The following PPEF2 variants were observed in gnomAD, a reference collection of about 807,000 sequenced individuals.
The protein encoded by PPEF2 is protein phosphatase with EF-hand domain 2.
In PPEF2, 84 loss-of-function variants were observed where a neutral mutation model predicts 84.7. That is an observed-to-expected ratio of 0.99 (90% CI 0.83 to 1.19). The LOEUF (loss-of-function observed/expected upper bound fraction) is 1.19. Among genes scored for constraint, PPEF2 ranks in the 50% most tolerant of loss-of-function variants. The probability of loss-of-function intolerance (pLI) is 0.00; values close to 1 mark genes in which losing one functional copy is unlikely to be tolerated. For missense variants in PPEF2, 924 were observed against 937.5 expected (o/e 0.99, Z 0.19); for synonymous variants, 346 against 345.2 (o/e 1.00, Z -0.03).
intron 13 of PPEF2, among the ~76,000 whole-genome samples, chr4:75,870,878 C>CATTTATTT (rs33975459): frequency 0.032 from 4,764 of 146,606 alleles, 183 homozygotes; most frequent in African/African-American, 0.092. Flanking sequence ...CAAAAGCTAC[C>CATTTATTT]ATTTATTTAT....
chr4:75,874,832 T>G (rs1033746018), intron 11 of PPEF2, among the ~76,000 whole-genome samples: 13 of 152,084 alleles, frequency 8.5e-5, no homozygotes, highest in Non-Finnish European at 7.4e-5. Context: ...TCTTTCTCAC[T>G]ACCCTCCATC....
At chr4:75,881,102 ATT>A (rs33943154) in intron 10 of PPEF2, among the ~76,000 whole-genome samples, 1 of 138,094 alleles carries the variant, frequency 7.2e-6, no homozygotes, top group Non-Finnish European at 1.5e-5. Context: ...ATCCAGCATA[ATT>A]TTTTTTTTTT....
chr4:75,900,142 G>A (rs1459141818), intron 1 of PPEF2, among the ~76,000 whole-genome samples: 1 of 152,122 alleles, frequency 6.6e-6, no homozygotes, highest in Non-Finnish European at 1.5e-5. Context: ...GGCAGTAAAA[G>A]GCATACTATT....
intron 2 of PPEF2, 101 bp downstream of exon 2, chr4:75,896,170 T>G (rs1424998991): frequency 1.5e-6 from 2 of 1,324,088 alleles, no homozygotes; most frequent in East Asian, 2.3e-5. Flanking sequence ...GAGGAGAAAT[T>G]TAAGGGTTTT....
intron 13 of PPEF2, among the ~76,000 whole-genome samples, chr4:75,870,878 C>CATTTATTTATTTATTTATTTATTTATTT (rs33975459): frequency 2.0e-5 from 3 of 146,594 alleles, no homozygotes; most frequent in Admixed American, 6.8e-5. Flanking sequence ...CAAAAGCTAC[C>CATTTATTTATTTATTTATTTATTTATTT]ATTTATTTAT....
intron 2 of PPEF2, among the ~76,000 whole-genome samples, chr4:75,893,695 T>A (rs1724944139): frequency 6.6e-6 from 1 of 152,206 alleles, no homozygotes; most frequent in South Asian, 2.1e-4. Flanking sequence ...ATACTTGTGC[T>A]AAAGTTTAAG....
At chr4:75,886,447 G>A (rs1407050750) in intron 7 of PPEF2, among the ~76,000 whole-genome samples, 1 of 152,190 alleles carries the variant, frequency 6.6e-6, no homozygotes, top group African/African-American at 2.4e-5. Flanking sequence ...ACATTAAACT[G>A]TTCGTAGATG....
At chr4:75,898,622 C>T (rs1725058886) in intron 1 of PPEF2, among the ~76,000 whole-genome samples, 1 of 152,188 alleles carries the variant, frequency 6.6e-6, no homozygotes, top group Non-Finnish European at 1.5e-5. Context: ...CAGAGAAAGA[C>T]TGTAAGCAAA....
Position 75,873,198 on chromosome 4 carries a change from AT to A in PPEF2, c.1434del (p.Lys478AsnfsTer7). 1 of 1,614,112 alleles carries A rather than the reference AT, an allele frequency of 6.2e-7. No individual in the cohort carries two copies. Among genetic ancestry groups the A allele is most frequent in the Non-Finnish European group, 8.5e-7 (1 of 1,179,972 alleles). On this transcript the variant is annotated frameshift_variant, in exon 12 of 17. Transcript: ENST00000286719. LOFTEE classifies it high-confidence loss of function. Reference sequence around the variant, plus strand: ...GAACGGATCAGGAATTGCATGTTGTATTTTTGTAGCAACTGTTGTGTCACAT... The same window carrying A: ...GAACGGATCAGGAATTGCATGTTGTATTTTGTAGCAACTGTTGTGTCACAT... ...GPDVTQQLLQKYNMQFLIRSH... is the reference protein window; with the variant it reads ...GPDVTQQLLQXYNMQFLIRSH...
rs926893082 is a variant in PPEF2 at position 75,860,572 on chromosome 4, A to G, written c.*95T>C. ...GATGCATATGGATAGGTAAATTTTC[A>G]GCATAAAGTTTCACATGGAGAATAA... On this transcript the variant is annotated 3_prime_UTR_variant, in exon 17 of 17. Coordinates refer to ENST00000286719, the MANE Select transcript of PPEF2 (RefSeq NM_006239.3). 3 of 1,488,746 alleles carry G rather than the reference A, an allele frequency of 2.0e-6. No individual in the cohort carries two copies. In the African/African-American group the frequency reaches 4.2e-5, roughly 21 times the overall value. 92.2% of individuals were successfully genotyped at this position (1,488,746 alleles called of 1,614,324 possible).
Position 75,860,693 on chromosome 4 carries a change from C to CA in PPEF2, c.2235dup (p.Gly746TrpfsTer29), listed in dbSNP as rs1297016661. The CA allele has an allele frequency of 1.2e-6, 2 of 1,614,208 alleles. No homozygotes were observed. Among genetic ancestry groups the CA allele is most frequent in the Middle Eastern group, 1.7e-4 (1 of 6,046 alleles). On this transcript the variant is annotated frameshift_variant, in exon 17 of 17. Coordinates refer to ENST00000286719, the MANE Select transcript of PPEF2 (RefSeq NM_006239.3). LOFTEE classifies it low-confidence loss of function (END_TRUNC). ...TAGTGTGCACCTGGACTGCTGCAGC[C>CA]ACTGTCTTTAGCATTTGTAGCTTGT...
At chr4:75,864,337 T>A in intron 16 of PPEF2, 103 bp downstream of exon 16, 1 of 889,596 alleles carries the variant, frequency 1.1e-6, no homozygotes, top group Non-Finnish European at 1.8e-6. Context: ...GCTCTCCAAA[T>A]GCCTGAGTGG....
chr4:75,887,348 C>G (rs1724753725), intron 6 of PPEF2, among the ~76,000 whole-genome samples: 1 of 152,086 alleles, frequency 6.6e-6, no homozygotes, highest in African/African-American at 2.4e-5. Flanking sequence ...ATGGGCCGGG[C>G]GGGTGGCTCA....
At chr4:75,884,438 A>AAT (rs201871440) in intron 8 of PPEF2, among the ~76,000 whole-genome samples, 156 bp downstream of exon 8, 2 of 150,684 alleles carry the variant, frequency 1.3e-5, no homozygotes, top group South Asian at 2.1e-4. Flanking sequence ...AAAAAAAAAA[A>AAT]TTTTTTTTTG....
intron 6 of PPEF2, 51 bp from the exon 7 acceptor site, chr4:75,886,949 T>C (rs760160553): frequency 9.9e-7 from 1 of 1,007,966 alleles, no homozygotes. Flanking sequence ...TTACCAGTGC[T>C]TCTGATTTTT....
intron 13 of PPEF2, among the ~76,000 whole-genome samples, chr4:75,871,009 C>T (rs1345078026): frequency 6.6e-6 from 1 of 151,100 alleles, no homozygotes; most frequent in Non-Finnish European, 1.5e-5. Flanking sequence ...CTCCAACCTC[C>T]TGGGTTCCAG....
chr4:75,884,742 C>G lies in PPEF2; in HGVS notation c.598G>C (p.Glu200Gln). The change falls in exon 8 of 17, where the codon GAA becomes CAA. Residue 200 changes from glutamate to glutamine, a missense_variant. By Grantham distance (29) the Glu-to-Gln change is conservative. Transcript: ENST00000286719. ...IFYKNGLPSP[E>Q]RSYVFNGDFV... The stretch of plus-strand genomic sequence containing the variant: ...TCACCGTTGAACACATATGACCGTT[C>G]TGGCGACGGGAGGCCATTCTTTTCA... 15 of 1,593,934 alleles carry G rather than the reference C, an allele frequency of 9.4e-6. No homozygotes were observed. Among genetic ancestry groups the G allele is most frequent in the Non-Finnish European group, 1.3e-5 (15 of 1,173,428 alleles).
chr4:75,879,906 T>C (rs1462134790), intron 10 of PPEF2, among the ~76,000 whole-genome samples: 1 of 151,892 alleles, frequency 6.6e-6, no homozygotes, highest in East Asian at 1.9e-4. Flanking sequence ...CTCGGCTTGC[T>C]CAACCTCTGC....
At chr4:75,895,606 C>T (rs1724991877) in intron 2 of PPEF2, among the ~76,000 whole-genome samples, 2 of 151,346 alleles carry the variant, frequency 1.3e-5, no homozygotes, top group African/African-American at 2.4e-5. Context: ...GTCGCGGGCG[C>T]CTGAAATCCC....
Sources: gnomAD v4.1 joint callset for allele counts (sites outside exome capture counted in the v4.1 genomes callset) on GRCh38, gnomAD v4.1.1 for gene constraint, MANE v1.5 for transcripts, NCBI Gene and HGNC (gene_info 2026-07-23, HGNC 2026-07-21) for gene names.